DAB2: variants seen among roughly 807,000 people sequenced by gnomAD.
The protein encoded by DAB2 is disabled homolog 2.
A neutral mutation model predicts 71.6 loss-of-function variants in DAB2; 28 were observed. The ratio of observed to expected loss-of-function variants is 0.39; its 90% CI spans 0.29 to 0.54. DAB2 has a LOEUF of 0.54. DAB2 is among the 20% of genes least tolerant of loss of function. DAB2 has a pLI of 0.68. For missense variants in DAB2, 867 were observed against 928.8 expected (o/e 0.93, Z 0.86); for synonymous variants, 345 against 339.7 (o/e 1.02, Z -0.17).
intron 1 of DAB2, among the ~76,000 whole-genome samples, chr5:39,421,780 G>T (rs1479875325): frequency 3.3e-5 from 5 of 152,042 alleles, no homozygotes; most frequent in Non-Finnish European, 7.4e-5. Flanking sequence ...ATCTGGCCGG[G>T]TGTGGTGGGC....
At chr5:39,423,618 G>A (rs1579932845) in intron 1 of DAB2, 1 of 152,174 alleles carries the variant, frequency 6.6e-6, no homozygotes, top group Admixed American at 6.5e-5. Flanking sequence ...GCCATTCCAA[G>A]AGGCTTATCA....
intron 1 of DAB2, among the ~76,000 whole-genome samples, chr5:39,421,420 C>T (rs1355210473): frequency 6.6e-6 from 1 of 151,994 alleles, no homozygotes; most frequent in African/African-American, 2.4e-5. Context: ...TATTATTCTC[C>T]CCAGATAAGC....
At chr5:39,377,357 T>TC in intron 11 of DAB2, 75 bp from the exon 12 acceptor site, 1 of 1,488,092 alleles carries the variant, frequency 6.7e-7, no homozygotes, top group Non-Finnish European at 9.1e-7. Context: ...AGAGCACAAC[T>TC]CTCTGGAAAG....
chr5:39,396,881 G>A (rs1457897411), intron 1 of DAB2, among the ~76,000 whole-genome samples: 3 of 152,206 alleles, frequency 2.0e-5, no homozygotes, highest in African/African-American at 7.2e-5. Flanking sequence ...GTATGTGGAT[G>A]CTGAGTAGCT....
chr5:39,377,566 C>T (rs1037754783), intron 11 of DAB2, among the ~76,000 whole-genome samples: 1 of 152,124 alleles, frequency 6.6e-6, no homozygotes, highest in Non-Finnish European at 1.5e-5. Flanking sequence ...TAAGTATCTA[C>T]TCATCAAAAA....
intron 1 of DAB2, among the ~76,000 whole-genome samples, chr5:39,404,394 T>TAA (rs555236403): frequency 2.7e-4 from 17 of 63,796 alleles, no homozygotes; most frequent in African/African-American, 1.0e-3. Flanking sequence ...TAAAGTATAA[T>TAA]AAAAAAAAAG....
chr5:39,405,181 A>T (rs1401935945), intron 1 of DAB2, among the ~76,000 whole-genome samples: 1 of 152,226 alleles, frequency 6.6e-6, no homozygotes, highest in East Asian at 1.9e-4. Context: ...TTCAGCTTCT[A>T]AGAAAGAGAG....
chr5:39,399,986 A>C (rs375961498), intron 1 of DAB2, among the ~76,000 whole-genome samples: 2 of 152,034 alleles, frequency 1.3e-5, no homozygotes, highest in Non-Finnish European at 2.9e-5. Flanking sequence ...ACAAGTGTCA[A>C]CCATCCTCCC....
intron 9 of DAB2, among the ~76,000 whole-genome samples, chr5:39,384,093 T>C (rs1184245297): frequency 1.3e-5 from 2 of 152,228 alleles, no homozygotes; most frequent in Non-Finnish European, 2.9e-5. Flanking sequence ...GTACATCTTT[T>C]CATAACATTG....
intron 1 of DAB2, among the ~76,000 whole-genome samples, chr5:39,419,404 C>T (rs1000851240): frequency 3.3e-5 from 5 of 152,284 alleles, no homozygotes; most frequent in African/African-American, 1.2e-4. Flanking sequence ...CTGGCTCTAC[C>T]ACTTAATGAT....
intron 10 of DAB2, 36 bp from the exon 11 acceptor site, chr5:39,381,652 A>C: frequency 6.2e-7 from 1 of 1,610,552 alleles, no homozygotes; most frequent in Non-Finnish European, 8.5e-7. Flanking sequence ...AGCCTTAGTT[A>C]CTCACTAACA....
chr5:39,373,325 T>C lies in DAB2; in HGVS notation c.*106A>G. ...AAGGCAACAGATAATACGTCAAAGC[T>C]GGAACAAGGGCAGAAATCAGAACGT... is the stretch of plus-strand genomic sequence containing the variant. On this transcript the variant is annotated 3_prime_UTR_variant, in exon 15 of 15. Transcript: ENST00000320816. 6.6e-6 allele frequency: 1 copy of C among 152,638 alleles called. No individual in the cohort carries two copies. 9.5% of individuals were successfully genotyped at this position (152,638 alleles called of 1,614,324 possible). A position where few individuals can be genotyped will look rare whatever the true frequency, so the allele number is the denominator to read the frequency against.
At chr5:39,376,506 T>G (rs1306932443) in intron 12 of DAB2, 144 bp downstream of exon 12, 19 of 944,522 alleles carry the variant, frequency 2.0e-5, no homozygotes, top group Non-Finnish European at 2.7e-5. Flanking sequence ...AATGGTTAAG[T>G]TGTCTCCGTA....
intron 9 of DAB2, among the ~76,000 whole-genome samples, chr5:39,385,738 T>G (rs1246453948): frequency 6.6e-6 from 1 of 152,132 alleles, no homozygotes; most frequent in Non-Finnish European, 1.5e-5. Context: ...CACCTAACCA[T>G]TCCAGTTTGT....
At chr5:39,404,473 A>AG (rs1459553753) in intron 1 of DAB2, among the ~76,000 whole-genome samples, 1 of 149,948 alleles carries the variant, frequency 6.7e-6, no homozygotes, top group Non-Finnish European at 1.5e-5. Flanking sequence ...AAAAAAAAAA[A>AG]AAAGAAAGAA....
chr5:39,423,854 C>T (rs1361224328), intron 1 of DAB2: 1 of 152,000 alleles, frequency 6.6e-6, no homozygotes, highest in African/African-American at 2.4e-5. Context: ...CTTGTTTCTG[C>T]TCTTCTCGGT....
intron 10 of DAB2, among the ~76,000 whole-genome samples, chr5:39,382,162 T>A (rs1185490448): frequency 6.6e-6 from 1 of 152,182 alleles, no homozygotes; most frequent in Non-Finnish European, 1.5e-5. Context: ...CTTATGTATT[T>A]ACTCAGTATT....
chr5:39,403,716 A>ATTTT (rs60449035), intron 1 of DAB2, among the ~76,000 whole-genome samples: 4 of 135,292 alleles, frequency 3.0e-5, no homozygotes, highest in Non-Finnish European at 6.4e-5. Flanking sequence ...TTTTTTTGGA[A>ATTTT]TTTTTTTTTT....
chr5:39,386,891 C>A (rs1044073620), intron 9 of DAB2, among the ~76,000 whole-genome samples: 1 of 152,086 alleles, frequency 6.6e-6, no homozygotes, highest in Non-Finnish European at 1.5e-5. Context: ...ATCAAAAGGA[C>A]CTCAGAGTTA....
Sources: allele counts gnomAD v4.1 joint callset (sites outside exome capture counted in the v4.1 genomes callset), GRCh38; gene constraint gnomAD v4.1.1; transcripts MANE v1.5; gene names NCBI Gene and HGNC (gene_info 2026-07-23, HGNC 2026-07-21).